Variants in PEX5L observed in about 807,000 individuals in gnomAD.
PEX5L encodes the protein PEX5-related protein.
A neutral mutation model predicts 84.0 loss-of-function variants in PEX5L; 30 were observed. The observed-to-expected ratio is 0.36, with a 90% CI of 0.27 to 0.48. The LOEUF is 0.48. Ranked by LOEUF, PEX5L falls within the 20% of genes least tolerant of loss-of-function variation. The pLI is 0.99. For missense variants in PEX5L, 533 were observed against 754.6 expected (o/e 0.71, Z 3.44); for synonymous variants, 270 against 283.1 (o/e 0.95, Z 0.46).
intron 2 of PEX5L, among the ~76,000 whole-genome samples, chr3:179,900,515 G>A (rs985783878): frequency 7.2e-5 from 11 of 152,174 alleles, no homozygotes; most frequent in African/African-American, 2.7e-4. Context: ...AATAGCTAGA[G>A]TTAGCAAGGG....
At chr3:180,016,818 T>C (rs968136208) in intron 1 of PEX5L, among the ~76,000 whole-genome samples, 2 of 152,258 alleles carry the variant, frequency 1.3e-5, no homozygotes, top group Non-Finnish European at 2.9e-5. Flanking sequence ...TATTTGAACA[T>C]TTCTTGCAAA....
intron 2 of PEX5L, among the ~76,000 whole-genome samples, chr3:179,939,659 G>T (rs536895672): frequency 6.6e-6 from 1 of 152,242 alleles, no homozygotes; most frequent in African/African-American, 2.4e-5. Flanking sequence ...CAAATGATTT[G>T]CCAATTCACA....
chr3:179,805,622 CA>C (rs1471350766), intron 14 of PEX5L, among the ~76,000 whole-genome samples: 3 of 152,060 alleles, frequency 2.0e-5, no homozygotes, highest in Non-Finnish European at 2.9e-5. Context: ...TATGGTGGGC[CA>C]ATTGTACAGT....
intron 7 of PEX5L, among the ~76,000 whole-genome samples, chr3:179,863,581 A>G (rs915843537): frequency 6.6e-6 from 1 of 152,158 alleles, no homozygotes; most frequent in Non-Finnish European, 1.5e-5. Flanking sequence ...TATGAACAAA[A>G]TATTCAACAT....
intron 8 of PEX5L, among the ~76,000 whole-genome samples, chr3:179,846,957 G>A (rs1415817398): frequency 6.6e-6 from 1 of 152,010 alleles, no homozygotes; most frequent in Non-Finnish European, 1.5e-5. Context: ...ACAATTGTGT[G>A]AGCCAATTCC....
At chr3:179,956,759 G>A (rs897527454) in intron 2 of PEX5L, among the ~76,000 whole-genome samples, 12 of 152,130 alleles carry the variant, frequency 7.9e-5, no homozygotes, top group East Asian at 5.8e-4. Context: ...TTTACGGAGC[G>A]ACGCAACATG....
rs1791936495 is a variant in PEX5L at position 180,036,672 on chromosome 3, G to A, written c.-73C>T. On this transcript the variant is annotated 5_prime_UTR_variant, in exon 1 of 15. Transcript: ENST00000467460. ...CCCCGTGCTTACTTGCCCACCAAAAGAGGGGAAAAGGTGGGTGCACAGCGG... is the reference window on the plus strand; with the variant it reads ...CCCCGTGCTTACTTGCCCACCAAAAAAGGGGAAAAGGTGGGTGCACAGCGG... 1 of 1,547,704 alleles carries A rather than the reference G, an allele frequency of 6.5e-7. No individual in the cohort carries two copies. Among genetic ancestry groups the A allele is most frequent in the Middle Eastern group, 1.7e-4 (1 of 5,938 alleles).
intron 5 of PEX5L, among the ~76,000 whole-genome samples, chr3:179,879,247 T>C (rs1174211896): frequency 1.3e-5 from 2 of 152,180 alleles, no homozygotes; most frequent in Non-Finnish European, 2.9e-5. Flanking sequence ...TTCCAGGAGC[T>C]GAGAATTAAG....
chr3:179,996,503 A>G (rs894373039), intron 1 of PEX5L, among the ~76,000 whole-genome samples: 2 of 152,186 alleles, frequency 1.3e-5, no homozygotes, highest in African/African-American at 4.8e-5. Context: ...CCTTGGCTTA[A>G]TGTAGAGGAA....
intron 1 of PEX5L, among the ~76,000 whole-genome samples, chr3:179,981,439 C>A (rs1579218050): frequency 6.6e-6 from 1 of 152,210 alleles, no homozygotes; most frequent in East Asian, 1.9e-4. Context: ...CAGCCTGGAG[C>A]CTGTTTAGAC....
chr3:179,842,874 A>G (rs1396822038), intron 8 of PEX5L, among the ~76,000 whole-genome samples: 2 of 152,122 alleles, frequency 1.3e-5, no homozygotes, highest in East Asian at 1.9e-4. Flanking sequence ...TTACTTGGAA[A>G]GGGACTTGTT....
chr3:180,022,563 T>C (rs1026367615), intron 1 of PEX5L, among the ~76,000 whole-genome samples: 2 of 152,214 alleles, frequency 1.3e-5, no homozygotes, highest in African/African-American at 4.8e-5. Context: ...ACCTTATTAA[T>C]GTTGAATGTT....
At chr3:179,872,430 G>T (rs1750701012) in intron 7 of PEX5L, among the ~76,000 whole-genome samples, 1 of 152,176 alleles carries the variant, frequency 6.6e-6, no homozygotes, top group South Asian at 2.1e-4. Context: ...ACAAATAATT[G>T]ATAACTCTCT....
In PEX5L at chr3:179,887,724, A is replaced by G; in HGVS notation, c.259T>C (p.Cys87Arg). The G allele has an allele frequency of 2.5e-6, 4 of 1,614,008 alleles. No homozygotes were observed. Among genetic ancestry groups the G allele is most frequent in the Non-Finnish European group, 3.4e-6 (4 of 1,179,878 alleles). Residue 87 changes from cysteine to arginine, a missense_variant, in exon 4 of 15, where the codon TGT becomes CGT. This residue lies in a region of PEX5L where 259 missense variants were observed against 301.7 expected (regional missense o/e 0.86). Transcript: ENST00000467460. Reference protein sequence around the residue: ...LLSPSIDDFLCETKSEAIARP... With the variant: ...LLSPSIDDFLRETKSEAIARP... ...GCTATTGCTTCCGATTTGGTTTCAC[A>G]GAGAAAGTCATCGATGGAGGGACTC...
chr3:179,858,372 G>A (rs1482970731), intron 8 of PEX5L, among the ~76,000 whole-genome samples: 1 of 151,954 alleles, frequency 6.6e-6, no homozygotes, highest in Non-Finnish European at 1.5e-5. Flanking sequence ...TAAAAAAACA[G>A]CAAAAGTTGC....
At position 179,804,747 on chromosome 3, in the gene PEX5L, C is replaced by T. The variant is rs1720530498; in HGVS notation, c.1677-2715G>A. Among the ~76,000 whole-genome samples the T allele has an allele frequency of 3.3e-5, 5 of 152,322 alleles. No individual in the cohort carries two copies. The South Asian group carries it at 1.0e-3, about 32-fold the overall frequency. On this transcript the variant is annotated intron_variant, in intron 14 of 14. Transcript: ENST00000467460. ...CTCCTCGCTTCCTTTTGAGCTCTTT[C>T]TCTATTGAGGGTTGTTATTTCCTGA...
chr3:179,869,864 A>G (rs1026266059), intron 7 of PEX5L, among the ~76,000 whole-genome samples: 1 of 152,208 alleles, frequency 6.6e-6, no homozygotes, highest in Non-Finnish European at 1.5e-5. Context: ...CCTTCCCAAT[A>G]TGGCTTTTGT....
chr3:179,829,404 A>G (rs1424072682), intron 8 of PEX5L, among the ~76,000 whole-genome samples: 1 of 152,222 alleles, frequency 6.6e-6, no homozygotes, highest in African/African-American at 2.4e-5. Context: ...AGTGATTAAG[A>G]GCAGGAATCT....
At chr3:179,939,032 T>C (rs915535273) in intron 2 of PEX5L, among the ~76,000 whole-genome samples, 2 of 152,210 alleles carry the variant, frequency 1.3e-5, no homozygotes, top group African/African-American at 4.8e-5. Flanking sequence ...GCTCAGGGGC[T>C]GGGAAAAGAC....
Sources: allele counts gnomAD v4.1 joint callset (sites outside exome capture counted in the v4.1 genomes callset), GRCh38; gene constraint gnomAD v4.1.1; regional missense constraint gnomAD v4.1.1; transcripts MANE v1.5; gene names NCBI Gene and HGNC (gene_info 2026-07-23, HGNC 2026-07-21).